HDAC4: variants seen among roughly 807,000 people sequenced by gnomAD.
HDAC4 encodes the protein histone deacetylase 4, also known as histone deacetylase A.
HDAC4 carries 16 observed loss-of-function variants against 135.1 expected under a neutral mutation model. The ratio of observed to expected loss-of-function variants is 0.12; its 90% confidence interval spans 0.08 to 0.18. The LOEUF is 0.18. Among genes scored for constraint, HDAC4 ranks in the 10% least tolerant of loss-of-function variants. The probability of loss-of-function intolerance (pLI) is 1.00; values close to 1 mark genes in which losing one functional copy is unlikely to be tolerated. For synonymous variants in HDAC4, 685 were observed against 653.4 expected (o/e 1.05, Z -0.74); for missense variants, 1,143 against 1,511.8 (o/e 0.76, Z 4.05).
chr2:239,346,294 AAC>A (rs1273599196), intron 2 of HDAC4, among the ~76,000 whole-genome samples: 1 of 150,748 alleles, frequency 6.6e-6, no homozygotes, highest in Admixed American at 6.6e-5. Flanking sequence ...CACACCCTAA[AAC>A]ACAAACACAC....
chr2:239,131,039 G>A (rs1238186558), intron 11 of HDAC4, among the ~76,000 whole-genome samples: 3 of 152,258 alleles, frequency 2.0e-5, no homozygotes, highest in Non-Finnish European at 4.4e-5. Flanking sequence ...CTCCGAGGAT[G>A]TACCAGACAC....
At chr2:239,168,109 C>T (rs147230870) in intron 5 of HDAC4, among the ~76,000 whole-genome samples, 1 of 152,312 alleles carries the variant, frequency 6.6e-6, no homozygotes, top group Non-Finnish European at 1.5e-5. Flanking sequence ...TTTCTCTCCA[C>T]CCCCTTGCCT....
intron 2 of HDAC4, among the ~76,000 whole-genome samples, chr2:239,347,870 C>T (rs975174082): frequency 3.9e-5 from 6 of 152,224 alleles, no homozygotes; most frequent in African/African-American, 2.4e-5. Context: ...ATTCCAGGAG[C>T]GAGAGGATGC....
chr2:239,300,490 CAG>C (rs2052188377), intron 2 of HDAC4, among the ~76,000 whole-genome samples: 1 of 152,198 alleles, frequency 6.6e-6, no homozygotes, highest in Non-Finnish European at 1.5e-5. Context: ...TCCGCCATCG[CAG>C]AAAGTCCTGG....
intron 16 of HDAC4, among the ~76,000 whole-genome samples, chr2:239,101,288 C>T (rs1307606360): frequency 6.6e-6 from 1 of 152,238 alleles, no homozygotes; most frequent in East Asian, 1.9e-4. Flanking sequence ...CCTCACAGCC[C>T]TACTGGCTCC....
At position 239,167,764 on chromosome 2, in the gene HDAC4, C is replaced by T. The variant is rs934699877; in HGVS notation, c.491-3841G>A. 6.6e-6 allele frequency among the ~76,000 whole-genome samples: 1 copy of T among 150,944 alleles called. No individual in the cohort carries two copies. The highest frequency in any genetic ancestry group is 1.5e-5 in the Non-Finnish European group (1 of 67,878). On this transcript the variant is annotated intron_variant, in intron 5 of 26. Transcript: ENST00000543185. The surrounding 1 kb of genome is among the most constrained non-coding windows in gnomAD (Gnocchi z 4.1). ...TTTTCTTAATTCACATTGAGTATCA[C>T]TCATCCCCTGCATGGAGGCTTCTAC...
intron 3 of HDAC4, among the ~76,000 whole-genome samples, chr2:239,193,677 G>A (rs1405182405): frequency 6.6e-6 from 1 of 152,258 alleles, no homozygotes; most frequent in Non-Finnish European, 1.5e-5. Flanking sequence ...GCAGCCAAGA[G>A]CGCGAGGGGA....
chr2:239,092,921 G>C (rs1048207967), intron 17 of HDAC4, among the ~76,000 whole-genome samples: 1 of 147,698 alleles, frequency 6.8e-6, no homozygotes, highest in African/African-American at 2.5e-5. Context: ...TCTCTCTTTC[G>C]CAATAAAGAC....
At chr2:239,060,366 T>C (rs2032501843) in intron 24 of HDAC4, among the ~76,000 whole-genome samples, 1 of 152,272 alleles carries the variant, frequency 6.6e-6, no homozygotes, top group Middle Eastern at 3.4e-3. Flanking sequence ...GCTCTCTCCT[T>C]CTCTCCCTCT....
intron 2 of HDAC4, among the ~76,000 whole-genome samples, chr2:239,284,748 C>T (rs1474930059): frequency 6.6e-6 from 1 of 152,158 alleles, no homozygotes; most frequent in Non-Finnish European, 1.5e-5. Context: ...AGAGGCCCTT[C>T]CACTCTCCAG....
At chr2:239,093,332 CAA>C (rs2036697500) in intron 17 of HDAC4, among the ~76,000 whole-genome samples, 1 of 152,190 alleles carries the variant, frequency 6.6e-6, no homozygotes, top group African/African-American at 2.4e-5. Flanking sequence ...CCCTCCCTGA[CAA>C]GAGCACCTGC....
intron 22 of HDAC4, among the ~76,000 whole-genome samples, chr2:239,079,847 CAA>C (rs1027665485): frequency 6.7e-6 from 1 of 148,186 alleles, no homozygotes; most frequent in Non-Finnish European, 1.5e-5. Context: ...GATATACACA[CAA>C]AGACATGTGC....
chr2:239,065,123 G>A (rs1164456247), intron 24 of HDAC4, among the ~76,000 whole-genome samples: 4 of 152,212 alleles, frequency 2.6e-5, no homozygotes, highest in Admixed American at 6.5e-5. Context: ...TTTCCATCGG[G>A]GGAGGCTTGC....
intron 6 of HDAC4, among the ~76,000 whole-genome samples, chr2:239,162,605 G>T (rs3791517): frequency 4.6e-5 from 7 of 152,034 alleles, no homozygotes; most frequent in Admixed American, 6.5e-5. Context: ...GTCCCAGTGG[G>T]TCACTGCTGT....
intron 2 of HDAC4, among the ~76,000 whole-genome samples, chr2:239,348,881 C>G (rs1692912316): frequency 6.6e-6 from 1 of 152,242 alleles, no homozygotes; most frequent in Admixed American, 6.5e-5. Context: ...GAACCAGGGC[C>G]TGGCTCTGGC....
intron 13 of HDAC4, among the ~76,000 whole-genome samples, chr2:239,114,284 G>T (rs543334221): frequency 6.6e-6 from 1 of 152,186 alleles, no homozygotes; most frequent in African/African-American, 2.4e-5. Flanking sequence ...GGGAGGGAAC[G>T]AGCCAGTGGC....
chr2:239,067,434 G>A (rs929690029), intron 23 of HDAC4, among the ~76,000 whole-genome samples: 3 of 152,154 alleles, frequency 2.0e-5, no homozygotes, highest in African/African-American at 7.2e-5. Flanking sequence ...GGAACCACGC[G>A]CCGCTAATTA....
chr2:239,312,397 C>T lies in HDAC4; in HGVS notation c.22+40281G>A, dbSNP rs2052924879. Among the ~76,000 whole-genome samples, 6 of 152,228 alleles carry T rather than the reference C, an allele frequency of 3.9e-5. No individual in the cohort carries two copies. In the South Asian group the frequency reaches 1.2e-3, roughly 31 times the overall value. ...CACGGTGGTGGTGCTGCCAGCACCACCATCCATGCTGGCCCAGGAGCCCAC... is the reference window on the plus strand; with the variant it reads ...CACGGTGGTGGTGCTGCCAGCACCATCATCCATGCTGGCCCAGGAGCCCAC... On this transcript the variant is annotated intron_variant, in intron 2 of 26. Transcript: ENST00000543185.
rs776311663 is a variant in HDAC4 at position 239,141,775 on chromosome 2, G to A, written c.866-1979C>T. Reference sequence around the variant, plus strand: ...CCTCACGCATGTGCCTGGGGAGTCCGGACAACTTTTTGGGGCGGTAAAAAT... The same window carrying A: ...CCTCACGCATGTGCCTGGGGAGTCCAGACAACTTTTTGGGGCGGTAAAAAT... On this transcript the variant is annotated intron_variant, in intron 8 of 26. Coordinates refer to ENST00000543185, the MANE Select transcript of HDAC4 (RefSeq NM_001378414.1). This position sits in a 1 kb window ranked among gnomAD's most constrained non-coding sequence, Gnocchi z 4.9. Among the ~76,000 whole-genome samples, 4 of 152,126 alleles carry A rather than the reference G, an allele frequency of 2.6e-5. No individual in the cohort carries two copies. The highest frequency in any genetic ancestry group is 4.1e-4 in the South Asian group (2 of 4,826).
Sources: gnomAD v4.1 joint callset for allele counts (sites outside exome capture counted in the v4.1 genomes callset) on GRCh38, gnomAD v4.1.1 for gene constraint, Gnocchi (gnomAD v3.1) non-coding constraint, MANE v1.5 for transcripts, NCBI Gene and HGNC (gene_info 2026-07-23, HGNC 2026-07-21) for gene names.